Variants in PAH observed in about 807,000 individuals in gnomAD.
PAH encodes phenylalanine-4-hydroxylase.
Under a neutral mutation model 62.0 loss-of-function variants are expected in PAH, and 64 were observed. The observed-to-expected ratio is 1.03, with a 90% CI of 0.84 to 1.27. PAH has a LOEUF of 1.27. Among genes scored for constraint, PAH ranks in the 50% most tolerant of loss-of-function variants. PAH has a pLI of 0.00. For missense variants in PAH, 579 were observed against 542.8 expected (o/e 1.07, Z -0.66); for synonymous variants, 195 against 196.2 (o/e 0.99, Z 0.05).
At chr12:102,931,269 G>C (rs1181170029) in intron 1 of PAH, among the ~76,000 whole-genome samples, 1 of 152,046 alleles carries the variant, frequency 6.6e-6, no homozygotes, top group African/African-American at 2.4e-5. Flanking sequence ...TCCAAAATTT[G>C]TAGGTACCCC....
intron 1 of PAH, among the ~76,000 whole-genome samples, chr12:102,942,456 G>A (rs1239618964): frequency 6.6e-6 from 1 of 151,928 alleles, no homozygotes; most frequent in Non-Finnish European, 1.5e-5. Flanking sequence ...CATGCTCATG[G>A]GTAGGAAGAA....
chr12:102,851,783 C>A, intron 7 of PAH, 27 bp from the exon 8 acceptor site: 1 of 1,598,696 alleles, frequency 6.3e-7, no homozygotes, highest in South Asian at 1.1e-5. Context: ...ACAGAGAGCT[C>A]GGAGGGGAGG....
At chr12:102,916,615 A>G in intron 1 of PAH, 1 of 198,904 alleles carries the variant, frequency 5.0e-6, no homozygotes. Flanking sequence ...CCCAAAATGA[A>G]AGGAGGATAG....
chr12:102,846,403 T>C (rs558074065), intron 9 of PAH, among the ~76,000 whole-genome samples: 4 of 152,232 alleles, frequency 2.6e-5, no homozygotes, highest in African/African-American at 4.8e-5. Context: ...TCACCTGCTA[T>C]GTAGAATTGC....
At position 102,854,428 on chromosome 12, in the gene PAH, G is replaced by A. The variant is rs190904439; in HGVS notation, c.706+708C>T. ...TAAATTAACATCCTCTTGACAGAAAGAGTAACACCCATTTCACCTGGATAT... is the reference window on the plus strand; with the variant it reads ...TAAATTAACATCCTCTTGACAGAAAAAGTAACACCCATTTCACCTGGATAT... On this transcript the variant is annotated intron_variant, in intron 6 of 12. Transcript: ENST00000553106. 9.8e-4 allele frequency among the ~76,000 whole-genome samples: 150 copies of A among 152,300 alleles called. 2 individuals are homozygous for A. The highest frequency in any genetic ancestry group is 3.5e-3 in the African/African-American group (144 of 41,568).
At chr12:102,868,748 A>G (rs1408256579) in intron 4 of PAH, among the ~76,000 whole-genome samples, 2 of 152,216 alleles carry the variant, frequency 1.3e-5, no homozygotes, top group African/African-American at 2.4e-5. Flanking sequence ...TACTGGACTA[A>G]ACAAAGAACA....
chr12:102,842,332 C>G (rs1193015288), intron 11 of PAH, among the ~76,000 whole-genome samples: 2 of 152,186 alleles, frequency 1.3e-5, no homozygotes, highest in African/African-American at 4.8e-5. Flanking sequence ...GCCAGAAGGA[C>G]TTGAGAGCTC....
At position 102,843,755 on chromosome 12, in the gene PAH, GC is replaced by G. The variant is rs5030654; in HGVS notation, c.1089del (p.Lys363AsnfsTer37). 4 of 1,613,826 alleles carry G rather than the reference GC, an allele frequency of 2.5e-6. No homozygotes were observed. The highest frequency in any genetic ancestry group is 8.5e-7 in the Non-Finnish European group (1 of 1,179,828). On this transcript the variant is annotated frameshift_variant, in exon 11 of 13. Transcript: ENST00000553106. LOFTEE classifies it high-confidence loss of function. ...ELQYCLSEKP[K>X]LLPLELEKTA... ...GTCTTCTCCAGCTCCAGGGGGAGAA[GC>G]TTTGGCTTCTCTGATAAGCAGTACT...
chr12:102,884,550 A>G (rs1876952885), intron 3 of PAH, among the ~76,000 whole-genome samples: 1 of 152,156 alleles, frequency 6.6e-6, no homozygotes, highest in Non-Finnish European at 1.5e-5. Context: ...CTGGCTTTGC[A>G]TCTGTGAAAT....
intron 1 of PAH, among the ~76,000 whole-genome samples, chr12:102,913,247 T>G (rs1052362030): frequency 1.3e-5 from 2 of 152,214 alleles, no homozygotes; most frequent in African/African-American, 4.8e-5. Context: ...AAGACAATGC[T>G]TTATCTTTTA....
At chr12:102,934,914 C>G (rs1879043428) in intron 1 of PAH, among the ~76,000 whole-genome samples, 1 of 151,986 alleles carries the variant, frequency 6.6e-6, no homozygotes, top group Non-Finnish European at 1.5e-5. Context: ...ATTTCTTTCT[C>G]TTGTCTGATT....
chr12:102,871,028 T>C (rs1471513969), intron 4 of PAH, among the ~76,000 whole-genome samples: 1 of 152,210 alleles, frequency 6.6e-6, no homozygotes, highest in Non-Finnish European at 1.5e-5. Context: ...CTGTCCTTCC[T>C]ACTTCATTCT....
intron 6 of PAH, 89 bp downstream of exon 6, chr12:102,855,047 C>A (rs747760962): frequency 9.7e-7 from 1 of 1,033,458 alleles, no homozygotes. Context: ...TTCATACTTG[C>A]CTCCACATAC....
chr12:102,949,853 T>A (rs142595355), intron 1 of PAH, among the ~76,000 whole-genome samples: 14 of 152,312 alleles, frequency 9.2e-5, no homozygotes, highest in African/African-American at 3.1e-4. Context: ...CCGCATGTTT[T>A]AATGGACTTT....
chr12:102,866,964 A>G (rs1342971474), intron 4 of PAH, among the ~76,000 whole-genome samples: 1 of 152,220 alleles, frequency 6.6e-6, no homozygotes, highest in African/African-American at 2.4e-5. Flanking sequence ...TAAACTAAGC[A>G]AAGTTCATAG....
Position 102,897,465 on chromosome 12 carries a change from G to GTATATATATATATATATA in PAH, c.169-2565_169-2548dup, listed in dbSNP as rs376902236. On this transcript the variant is annotated intron_variant, in intron 2 of 12. Transcript: ENST00000553106. ...CTCTCATATATATGTGTGTGTGTGT[G>GTATATATATATATATATA]TATATATATATATATATATATATAT... Among the ~76,000 whole-genome samples the GTATATATATATATATATA allele has an allele frequency of 4.3e-5, 4 of 93,946 alleles. No individual in the cohort carries two copies. The South Asian group carries it at 9.2e-4, about 22-fold the overall frequency. The allele number at this position is 93,946 out of a possible 152,430, so 61.6% of individuals were successfully genotyped here.
chr12:102,956,287 G>A (rs551013440), intron 1 of PAH, among the ~76,000 whole-genome samples: 18 of 152,350 alleles, frequency 1.2e-4, no homozygotes, highest in African/African-American at 3.8e-4. Flanking sequence ...AAAGAGATGG[G>A]GCCTATTGCT....
intron 2 of PAH, 30 bp downstream of exon 2, chr12:102,912,761 A>G (rs2136727947): frequency 7.0e-7 from 1 of 1,419,258 alleles, no homozygotes; most frequent in African/African-American, 1.4e-5. Context: ...CTACGACATT[A>G]TCCAAGACAA....
At chr12:102,871,383 C>T (rs961820582) in intron 4 of PAH, among the ~76,000 whole-genome samples, 11 of 152,198 alleles carry the variant, frequency 7.2e-5, no homozygotes, top group African/African-American at 1.9e-4. Context: ...GGCCTTCACA[C>T]GTGTTCTACC....
Sources: allele counts gnomAD v4.1 joint callset (sites outside exome capture counted in the v4.1 genomes callset), GRCh38; gene constraint gnomAD v4.1.1; transcripts MANE v1.5; gene names NCBI Gene and HGNC (gene_info 2026-07-23, HGNC 2026-07-21).